PPARG: variants seen among roughly 807,000 people sequenced by gnomAD.
PPARG encodes the protein peroxisome proliferator activated receptor gamma, also known as peroxisome proliferator-activated receptor gamma.
A neutral mutation model predicts 39.2 loss-of-function variants in PPARG; 17 were observed. The observed-to-expected ratio is 0.43, with a 90% CI of 0.30 to 0.65. The LOEUF (loss-of-function observed/expected upper bound fraction) is 0.65, where lower values mean the gene tolerates loss of function less well. PPARG is among the 30% of genes least tolerant of loss of function. The pLI, the probability that PPARG is intolerant of heterozygous loss-of-function variation, is 0.13. For synonymous variants in PPARG, 223 were observed against 215.7 expected, an observed-to-expected ratio of 1.03 and a Z score of -0.30; for missense variants, 406 against 585.9, an observed-to-expected ratio of 0.69 and a Z score of 3.17.
intron 1 of PPARG, chr3:12,305,965 A>C (rs2047052500): frequency 6.6e-6 from 1 of 152,226 alleles, no homozygotes; most frequent in Non-Finnish European, 1.5e-5. Flanking sequence ...TGATGGTAAT[A>C]ATTAATATTT....
chr3:12,393,921 G>C (rs898086913), intron 5 of PPARG, among the ~76,000 whole-genome samples: 2 of 152,102 alleles, frequency 1.3e-5, no homozygotes, highest in Non-Finnish European at 2.9e-5. Context: ...TTCCTCTAAA[G>C]GCAAGAATGT....
At chr3:12,423,781 T>C (rs997491276) in intron 7 of PPARG, among the ~76,000 whole-genome samples, 23 of 152,266 alleles carry the variant, frequency 1.5e-4, no homozygotes, top group Admixed American at 6.5e-4. Context: ...CAAGACAGGC[T>C]GGTGCCTACA....
At chr3:12,355,829 A>C (rs888252900) in intron 2 of PPARG, among the ~76,000 whole-genome samples, 1 of 152,352 alleles carries the variant, frequency 6.6e-6, no homozygotes, top group South Asian at 2.1e-4. Context: ...TAATCTGCCA[A>C]TTGCAGTATA....
At chr3:12,357,813 G>A (rs1575050451) in intron 2 of PPARG, among the ~76,000 whole-genome samples, 1 of 152,066 alleles carries the variant, frequency 6.6e-6, no homozygotes, top group Non-Finnish European at 1.5e-5. Flanking sequence ...AAACTGTCTG[G>A]TATTATTTCC....
chr3:12,413,104 C>T (rs1241967950), intron 6 of PPARG, among the ~76,000 whole-genome samples: 1 of 151,666 alleles, frequency 6.6e-6, no homozygotes, highest in Non-Finnish European at 1.5e-5. Context: ...AACATTGTAC[C>T]ACATTGTACC....
rs377248119 is a variant in PPARG, at chr3:12,407,363, A to C, written c.729+1282A>C. ...TTTTTAGTAGAGATGGGTTTTCACC[A>C]TGTTGGCCAGGATGGTCTTGATCTC... On this transcript the variant is annotated intron_variant, in intron 6 of 7. Coordinates refer to ENST00000651735, the MANE Select transcript of PPARG (RefSeq NM_138711.6). Among the ~76,000 whole-genome samples the C allele has an allele frequency of 1.6e-4, 24 of 152,200 alleles. 1 individual carries two copies. The highest frequency in any genetic ancestry group is 1.1e-3 in the Admixed American group (17 of 15,286).
chr3:12,373,907 G>A (rs1410587091), intron 2 of PPARG, among the ~76,000 whole-genome samples: 1 of 152,144 alleles, frequency 6.6e-6, no homozygotes, highest in East Asian at 1.9e-4. Context: ...AAACAGGCTT[G>A]TGGCATGAAG....
intron 2 of PPARG, among the ~76,000 whole-genome samples, chr3:12,364,057 A>G (rs1192788500): frequency 6.6e-6 from 1 of 151,572 alleles, no homozygotes; most frequent in East Asian, 1.9e-4. Context: ...CCACTGACAC[A>G]TCATTATCAC....
rs147496970 is a variant in PPARG, at chr3:12,338,899, G to A, written c.-9+26446G>A. The stretch of plus-strand genomic sequence containing the variant: ...AGGTAGAAACTGTGGCACTGAAACT[G>A]CTTGTCTGTATTCAGTTATAAAATC... On this transcript the variant is annotated intron_variant, in intron 2 of 7. Coordinates refer to ENST00000651735, the MANE Select transcript of PPARG (RefSeq NM_138711.6). Among the ~76,000 whole-genome samples the A allele has an allele frequency of 5.5e-3, 839 of 152,234 alleles. 4 individuals are homozygous for A. Among genetic ancestry groups the A allele is most frequent in the African/African-American group, 0.018 (749 of 41,538 alleles).
upstream of PPARG, among the ~76,000 whole-genome samples, chr3:12,288,388 C>G (rs961831356): frequency 1.3e-5 from 2 of 151,534 alleles, no homozygotes; most frequent in Non-Finnish European, 2.9e-5. Context: ...CTCGAGTGGA[C>G]GCGAGCCGGT....
rs145895645 is a variant in PPARG at position 12,352,294 on chromosome 3, G to C, written c.-8-27410G>C. Among the ~76,000 whole-genome samples the C allele has an allele frequency of 3.9e-4, 59 of 152,308 alleles. No individual in the cohort carries two copies. In the East Asian group the frequency reaches 0.011, roughly 29 times the overall value. ...ATTGTCGGAACCTTGAAAAATATCTGTTCCAAGCATCACATTTTATGCATA... is the reference window on the plus strand; with the variant it reads ...ATTGTCGGAACCTTGAAAAATATCTCTTCCAAGCATCACATTTTATGCATA... On this transcript the variant is annotated intron_variant, in intron 2 of 7. Coordinates refer to ENST00000651735, the MANE Select transcript of PPARG (RefSeq NM_138711.6).
chr3:12,419,561 C>T lies in PPARG; in HGVS notation c.1180+2407C>T, dbSNP rs146482477. Reference sequence around the variant, plus strand: ...CACTACAACCGGGTTTTCCGCCTCCCGGGTTCAAGTGACTCTCCTGCCTCA... The same window carrying T: ...CACTACAACCGGGTTTTCCGCCTCCTGGGTTCAAGTGACTCTCCTGCCTCA... On this transcript the variant is annotated intron_variant, in intron 7 of 7. Transcript: ENST00000651735. Among the ~76,000 whole-genome samples, 7 of 151,986 alleles carry T rather than the reference C, an allele frequency of 4.6e-5. No individual in the cohort carries two copies. In the East Asian group the frequency reaches 7.8e-4, roughly 17 times the overall value.
intron 2 of PPARG, among the ~76,000 whole-genome samples, chr3:12,354,547 G>A (rs1465741157): frequency 6.6e-6 from 1 of 151,830 alleles, no homozygotes; most frequent in East Asian, 1.9e-4. Context: ...AGGTCAAGAG[G>A]TCAAGACCAT....
upstream of PPARG, chr3:12,287,744 G>C (rs1436179967): frequency 6.7e-6 from 1 of 150,104 alleles, no homozygotes; most frequent in African/African-American, 2.4e-5. Flanking sequence ...CCTACTGTGC[G>C]CGGGCGGCGG....
intron 7 of PPARG, among the ~76,000 whole-genome samples, chr3:12,425,022 C>T (rs1244949474): frequency 6.6e-6 from 1 of 152,172 alleles, no homozygotes; most frequent in Non-Finnish European, 1.5e-5. Context: ...GAAATGCCAC[C>T]AACAGTCATT....
At chr3:12,328,169 C>T (rs751006835) in intron 2 of PPARG, 115 of 1,321,162 alleles carry the variant, frequency 8.7e-5, no homozygotes, top group Non-Finnish European at 1.2e-4. Context: ...CAGCAAATAG[C>T]GAAGAAAAAA....
At chr3:12,295,730 G>A (rs1307725021) in intron 1 of PPARG, among the ~76,000 whole-genome samples, 1 of 151,824 alleles carries the variant, frequency 6.6e-6, no homozygotes, top group Non-Finnish European at 1.5e-5. Flanking sequence ...GGCCAGTCTG[G>A]TCTCGAACTC....
chr3:12,385,630 T>A (rs1207019027), intron 4 of PPARG, among the ~76,000 whole-genome samples: 1 of 152,150 alleles, frequency 6.6e-6, no homozygotes, highest in Non-Finnish European at 1.5e-5. Flanking sequence ...CCTAAAGATA[T>A]AAGTAAATAC....
At chr3:12,418,200 C>G (rs1351249607) in intron 7 of PPARG, among the ~76,000 whole-genome samples, 1 of 152,040 alleles carries the variant, frequency 6.6e-6, no homozygotes, top group African/African-American at 2.4e-5. Context: ...GATTCCTGAC[C>G]TCAAGCAATC....
Sources: gnomAD v4.1 joint callset for allele counts (sites outside exome capture counted in the v4.1 genomes callset) on GRCh38, gnomAD v4.1.1 for gene constraint, MANE v1.5 for transcripts, NCBI Gene and HGNC (gene_info 2026-07-23, HGNC 2026-07-21) for gene names.